The following VPS9D1 variants were observed in gnomAD, a reference collection of about 807,000 sequenced individuals.
The protein encoded by VPS9D1 is VPS9 domain containing 1.
In VPS9D1, 78 loss-of-function variants were observed where a neutral mutation model predicts 75.8. The observed-to-expected ratio is 1.03, with a 90% CI of 0.86 to 1.24. The LOEUF (loss-of-function observed/expected upper bound fraction) is 1.24. Ranked by LOEUF, VPS9D1 falls within the 50% of genes most tolerant of loss-of-function variation. The pLI is 0.00. For missense variants in VPS9D1, 1,057 were observed against 847.7 expected, an observed-to-expected ratio of 1.25 and a Z score of -3.07; for synonymous variants, 481 against 385.6, an observed-to-expected ratio of 1.25 and a Z score of -2.90.
At position 89,709,372 on chromosome 16, in the gene VPS9D1, G is replaced by A. The variant is rs2151620121; in HGVS notation, c.1452C>T (p.Pro484=). ...SRSMELYRNA[P]PTAIGIPTKL... is the part of the protein sequence containing the mutation. Reference sequence around the variant, plus strand: ...TGGTGGGGATGCCAATGGCGGTGGGGGGTGCATTCCTGTAGAGCTCCATGC... The same window carrying A: ...TGGTGGGGATGCCAATGGCGGTGGGAGGTGCATTCCTGTAGAGCTCCATGC... Residue 484 remains proline (P), a synonymous_variant, in exon 12 of 15, where the codon CCC becomes CCT. Coordinates refer to ENST00000389386, the MANE Select transcript of VPS9D1 (RefSeq NM_004913.3). 6.4e-7 allele frequency: 1 copy of A among 1,570,070 alleles called. No individual in the cohort carries two copies. Among genetic ancestry groups the A allele is most frequent in the Admixed American group, 1.8e-5 (1 of 56,072 alleles).
At chr16:89,720,124 CG>C (rs1393484714) in intron 1 of VPS9D1, among the ~76,000 whole-genome samples, 2 of 152,172 alleles carry the variant, frequency 1.3e-5, no homozygotes, top group African/African-American at 2.4e-5. Flanking sequence ...TTCTGACTTG[CG>C]GGGGCACCTG....
rs761384240 is a variant in VPS9D1 at position 89,707,908 on chromosome 16, C to T, written c.1849G>A (p.Ala617Thr). Residue 617 changes from alanine to threonine, a missense_variant, in exon 15 of 15, where the codon GCC (alanine) becomes ACC (threonine). By Grantham distance (58) the Ala-to-Thr change is moderately conservative. Coordinates refer to ENST00000389386, the MANE Select transcript of VPS9D1 (RefSeq NM_004913.3). The stretch of plus-strand genomic sequence containing the variant: ...GGCAGCAGCTCCACGTAGCTCAGGG[C>T]ACTCTGCAGTGATGTGAGGCAGTAG... Reference protein sequence around the residue: ...EGYCLTSLQSALSYVELLPRG... With the variant: ...EGYCLTSLQSTLSYVELLPRG... 1.5e-5 allele frequency: 24 copies of T among 1,613,026 alleles called. No homozygotes were observed. The Admixed American group carries it at 4.0e-4, about 27-fold the overall frequency.
chr16:89,708,398 G>C, intron 14 of VPS9D1, 29 bp downstream of exon 14: 1 of 1,588,046 alleles, frequency 6.3e-7, no homozygotes, highest in Middle Eastern at 1.7e-4. Context: ...TTCGCACAGA[G>C]ACCCCCACCC....
chr16:89,712,229 C>T, intron 6 of VPS9D1, 130 bp from the exon 7 acceptor site: 1 of 1,415,998 alleles, frequency 7.1e-7, no homozygotes, highest in South Asian at 1.2e-5. Flanking sequence ...CCAGGTAAGG[C>T]TTCTGGGGCA....
rs56199420 is a variant in VPS9D1, at chr16:89,711,794, GC to G, written c.747+87del. The G allele has an allele frequency of 7.2e-5, 103 of 1,429,222 alleles. 1 individual carries two copies. Among genetic ancestry groups the G allele is most frequent in the Admixed American group, 6.7e-5 (3 of 44,842 alleles). 88.5% of individuals were successfully genotyped at this position (1,429,222 alleles called of 1,614,324 possible). A position where few individuals can be genotyped will look rare whatever the true frequency, so the allele number is the denominator to read the frequency against. ...ACTGCCCCCCACAGCCTCTGGCTCC[GC>G]CCCCCACGGGGGCCCACCCAGGCGG... On this transcript the variant is annotated intron_variant, in intron 8 of 14. Coordinates refer to ENST00000389386, the MANE Select transcript of VPS9D1 (RefSeq NM_004913.3).
chr16:89,708,799 A>C, intron 13 of VPS9D1, 58 bp downstream of exon 13: 1 of 1,475,152 alleles, frequency 6.8e-7, no homozygotes, highest in Non-Finnish European at 9.1e-7. Context: ...CCCTCCCGTG[A>C]CCATTGCCTT....
chr16:89,712,590 C>G lies in VPS9D1; in HGVS notation c.543+15G>C, dbSNP rs751454810. 3.1e-6 allele frequency: 5 copies of G among 1,609,064 alleles called. No homozygotes were observed. The South Asian group carries it at 4.4e-5, about 14-fold the overall frequency. ...GCGCCCACGCACCCCCAGGCCCTCC[C>G]TAGCCCCCACTCACCAGGGATGTCT... is the stretch of plus-strand genomic sequence containing the variant. On this transcript the variant is annotated intron_variant, in intron 5 of 14. Transcript: ENST00000389386.
At chr16:89,716,325 C>T (rs553341827) in intron 4 of VPS9D1, 137 bp downstream of exon 4, 58 of 1,301,666 alleles carry the variant, frequency 4.5e-5, no homozygotes, top group African/African-American at 8.9e-5. Context: ...AAGATTGAGC[C>T]GCTGCACTCC....
Position 89,710,962 on chromosome 16 carries a change from G to C in VPS9D1, c.882C>G (p.Ser294=), listed in dbSNP as rs2060902917. The C allele has an allele frequency of 2.8e-6, 4 of 1,452,292 alleles. No individual in the cohort carries two copies. The highest frequency in any genetic ancestry group is 3.6e-6 in the Non-Finnish European group (4 of 1,107,010). 90.0% of individuals were successfully genotyped at this position (1,452,292 alleles called of 1,614,324 possible). A position where few individuals can be genotyped will look rare whatever the true frequency, so the allele number is the denominator to read the frequency against. The part of the protein sequence containing the change: ...IAQLLRRLQC[S]VYSALYPAVS... ...CGGCGGGATACAGGGCGCTGTACAC[G>C]GAGCACTGCAGCCGCCTCAGGAGCT... Residue 294 remains serine, a synonymous_variant, in exon 10 of 15, where the codon TCC becomes TCG. Coordinates refer to ENST00000389386, the MANE Select transcript of VPS9D1 (RefSeq NM_004913.3).
intron 12 of VPS9D1, 52 bp downstream of exon 12, chr16:89,709,175 C>A: frequency 6.2e-7 from 1 of 1,607,140 alleles, no homozygotes; most frequent in Non-Finnish European, 8.5e-7. Context: ...GGCTCCAGGT[C>A]ACCTACTGGG....
At chr16:89,711,846 C>T (rs2060935792) in intron 8 of VPS9D1, 36 bp downstream of exon 8, 1 of 1,544,056 alleles carries the variant, frequency 6.5e-7, no homozygotes, top group Admixed American at 2.0e-5. Flanking sequence ...CCTCGCTGGG[C>T]TCCTCCTACA....
chr16:89,713,986 G>C (rs1048992475), intron 4 of VPS9D1, among the ~76,000 whole-genome samples: 3 of 152,066 alleles, frequency 2.0e-5, no homozygotes, highest in African/African-American at 7.2e-5. Context: ...GCCCAGGCTG[G>C]AGTGCAGTGA....
chr16:89,716,049 GC>G (rs1164162168), intron 4 of VPS9D1, among the ~76,000 whole-genome samples: 2 of 151,990 alleles, frequency 1.3e-5, no homozygotes, highest in African/African-American at 4.8e-5. Flanking sequence ...GTCAGGCCAG[GC>G]GCAGTGGCTC....
chr16:89,717,842 A>C (rs1368634156), intron 2 of VPS9D1: 3 of 456,216 alleles, frequency 6.6e-6, no homozygotes, highest in Middle Eastern at 3.3e-4. Flanking sequence ...GACCTGTGTG[A>C]TCCTACGTCC....
At chr16:89,709,706 G>C (rs1431127427) in intron 11 of VPS9D1, 71 bp downstream of exon 11, 7 of 1,605,318 alleles carry the variant, frequency 4.4e-6, no homozygotes, top group South Asian at 1.1e-5. Context: ...CCAGGGAGCA[G>C]GGCAGGCCTC....
chr16:89,712,748 C>T (rs765381939), intron 4 of VPS9D1, 32 bp from the exon 5 acceptor site: 2 of 1,512,692 alleles, frequency 1.3e-6, no homozygotes, highest in South Asian at 1.3e-5. Flanking sequence ...GTCTAGACCC[C>T]AGGAAGCCCA....
rs755758975 is a variant in VPS9D1, at chr16:89,709,845, G to A, written c.1320C>T (p.Asp440=). 3 of 1,613,666 alleles carry A rather than the reference G, an allele frequency of 1.9e-6. No individual in the cohort carries two copies. Among genetic ancestry groups the A allele is most frequent in the Admixed American group, 3.3e-5 (2 of 59,996 alleles). The change falls in exon 11 of 15, where the codon GAC becomes GAT. Residue 440 remains aspartate (D), a synonymous_variant. Transcript: ENST00000389386. ...GTTCCTCAATGCAGGCCAGGCAGCGGTCCTTGGAGGCAGCTGTGTTTAGGC... is the reference window on the plus strand; with the variant it reads ...GTTCCTCAATGCAGGCCAGGCAGCGATCCTTGGAGGCAGCTGTGTTTAGGC... ...FEGLNTAASK[D]RCLACIEEPF...
intron 9 of VPS9D1, 76 bp downstream of exon 9, chr16:89,711,251 C>T: frequency 6.8e-7 from 1 of 1,478,276 alleles, no homozygotes; most frequent in Non-Finnish European, 9.2e-7. Context: ...TCCAGCCCCT[C>T]TCCGGCACCT....
Position 89,709,838 on chromosome 16 carries a change from G to C in VPS9D1, c.1327C>G (p.Leu443Val). The C allele has an allele frequency of 3.7e-6, 6 of 1,613,854 alleles. No individual in the cohort carries two copies. The highest frequency in any genetic ancestry group is 5.1e-6 in the Non-Finnish European group (6 of 1,179,934). ...LNTAASKDRC[L>V]ACIEEPFFSP... is the part of the protein sequence containing the mutation. Reference sequence around the variant, plus strand: ...AAAAAGGGTTCCTCAATGCAGGCCAGGCAGCGGTCCTTGGAGGCAGCTGTG... The same window carrying C: ...AAAAAGGGTTCCTCAATGCAGGCCACGCAGCGGTCCTTGGAGGCAGCTGTG... The change falls in exon 11 of 15, where the codon CTG becomes GTG. Residue 443 changes from leucine (L) to valine (V), a missense_variant. Leu to Val is a conservative substitution (Grantham distance 32). Coordinates refer to ENST00000389386, the MANE Select transcript of VPS9D1 (RefSeq NM_004913.3).
Sources: gnomAD v4.1 joint callset for allele counts (sites outside exome capture counted in the v4.1 genomes callset) on GRCh38, gnomAD v4.1.1 for gene constraint, MANE v1.5 for transcripts, NCBI Gene and HGNC (gene_info 2026-07-23, HGNC 2026-07-21) for gene names.